Variants in RPGRIP1L observed in about 807,000 individuals in gnomAD.
The protein encoded by RPGRIP1L is protein fantom.
RPGRIP1L carries 131 observed loss-of-function variants against 160.4 expected under a neutral mutation model. That is an observed-to-expected ratio of 0.82 (90% CI 0.71 to 0.94). The LOEUF (loss-of-function observed/expected upper bound fraction) is 0.94. Among genes scored for constraint, RPGRIP1L ranks in the 40% least tolerant of loss-of-function variants. The pLI is 0.00. For synonymous variants in RPGRIP1L, 510 were observed against 515.8 expected (o/e 0.99, Z 0.15); for missense variants, 1,522 against 1,535.8 (o/e 0.99, Z 0.15).
chr16:53,695,627 A>G, intron 3 of RPGRIP1L: 1 of 580,950 alleles, frequency 1.7e-6, no homozygotes. Context: ...CACATAAATC[A>G]AAAGTGACAA....
chr16:53,674,954 G>A, intron 7 of RPGRIP1L, 63 bp downstream of exon 7: 1 of 1,117,880 alleles, frequency 8.9e-7, no homozygotes, highest in Non-Finnish European at 1.3e-6. Flanking sequence ...AAAACAACTT[G>A]AATACTACTT....
rs556918902 is a variant in RPGRIP1L, at chr16:53,675,063, C to T, written c.836G>A (p.Ser279Asn). 9 of 1,611,544 alleles carry T rather than the reference C, an allele frequency of 5.6e-6. No homozygotes were observed. Among genetic ancestry groups the T allele is most frequent in the Non-Finnish European group, 7.6e-6 (9 of 1,178,826 alleles). ...IKLHKQLVEKSNALSAMEGKF... is the reference protein window; with the variant it reads ...IKLHKQLVEKNNALSAMEGKF... Reference sequence around the variant, plus strand: ...TCCTTCCATTGCTGAAAGAGCATTGCTTTTCTCTACTAGCTGTTTATGAAG... The same window carrying T: ...TCCTTCCATTGCTGAAAGAGCATTGTTTTTCTCTACTAGCTGTTTATGAAG... The change falls in exon 7 of 27, where the codon AGC (serine) becomes AAC (asparagine). Residue 279 changes from serine (S) to asparagine (N), a missense_variant. By Grantham distance (46) the Ser-to-Asn change is conservative (BLOSUM62 1). Transcript: ENST00000647211.
chr16:53,689,516 AT>A (rs1970247980), intron 4 of RPGRIP1L, among the ~76,000 whole-genome samples: 1 of 152,132 alleles, frequency 6.6e-6, no homozygotes, highest in Non-Finnish European at 1.5e-5. Context: ...CATAATAAGT[AT>A]TGTTTCTATA....
intron 16 of RPGRIP1L, 42 bp downstream of exon 16, chr16:53,648,922 A>C: frequency 6.4e-7 from 1 of 1,562,056 alleles, no homozygotes; most frequent in Non-Finnish European, 8.8e-7. Flanking sequence ...ATATTATAAA[A>C]TTTCTATGTC....
chr16:53,656,086 T>G (rs1475808390), intron 14 of RPGRIP1L, among the ~76,000 whole-genome samples: 1 of 152,210 alleles, frequency 6.6e-6, no homozygotes, highest in Non-Finnish European at 1.5e-5. Flanking sequence ...GAGTTTGTAG[T>G]AATTTATGAA....
intron 13 of RPGRIP1L, 49 bp downstream of exon 13, chr16:53,657,404 T>C (rs544159561): frequency 7.9e-7 from 1 of 1,261,840 alleles, no homozygotes; most frequent in South Asian, 1.2e-5. Flanking sequence ...AAATAAATCA[T>C]CAGAATATTA....
At chr16:53,627,435 G>A (rs1469535859) in intron 22 of RPGRIP1L, among the ~76,000 whole-genome samples, 1 of 152,124 alleles carries the variant, frequency 6.6e-6, no homozygotes, top group Non-Finnish European at 1.5e-5. Flanking sequence ...CAACTAGTCA[G>A]CCATCTCAAA....
chr16:53,599,975 T>C lies in RPGRIP1L; in HGVS notation c.*2101A>G, dbSNP rs892356018. ...CAGAAACATGGCTGTTTCTCTCATC[T>C]TGTCTGAGATATACATTCCATACAG... On this transcript the variant is annotated 3_prime_UTR_variant, in exon 27 of 27. Coordinates refer to ENST00000647211, the MANE Select transcript of RPGRIP1L (RefSeq NM_015272.5). 1 of 152,246 alleles carries C rather than the reference T, an allele frequency of 6.6e-6. No homozygotes were observed. The highest frequency in any genetic ancestry group is 2.4e-5 in the African/African-American group (1 of 41,468). 9.4% of individuals were successfully genotyped at this position (152,246 alleles called of 1,614,324 possible).
At chr16:53,673,951 T>C (rs149313674) in intron 7 of RPGRIP1L, among the ~76,000 whole-genome samples, 280 of 152,304 alleles carry the variant, frequency 1.8e-3, no homozygotes, top group African/African-American at 6.6e-3. Context: ...GAAATCAAAA[T>C]TGTCAAAGTG....
At chr16:53,626,473 G>T (rs1198125151) in intron 22 of RPGRIP1L, among the ~76,000 whole-genome samples, 2 of 152,002 alleles carry the variant, frequency 1.3e-5, no homozygotes, top group Non-Finnish European at 2.9e-5. Context: ...TACCCTATTA[G>T]CATCCTCAGT....
Position 53,650,232 on chromosome 16 carries a change from C to G in RPGRIP1L, c.2153-1117G>C, listed in dbSNP as rs145315497. Among the ~76,000 whole-genome samples, 280 of 152,182 alleles carry G rather than the reference C, an allele frequency of 1.8e-3. 2 individuals carry two copies. Among genetic ancestry groups the G allele is most frequent in the African/African-American group, 6.5e-3 (268 of 41,518 alleles). ...TGCCATTATAACAGGCCGAGATTGACCCCTTCTTGCTCGCTCCCACCCTCT... is the reference window on the plus strand; with the variant it reads ...TGCCATTATAACAGGCCGAGATTGAGCCCTTCTTGCTCGCTCCCACCCTCT... On this transcript the variant is annotated intron_variant, in intron 15 of 26. Coordinates refer to ENST00000647211, the MANE Select transcript of RPGRIP1L (RefSeq NM_015272.5).
Position 53,656,493 on chromosome 16 carries a change from C to T in RPGRIP1L, c.1678G>A (p.Ala560Thr). 6.2e-7 allele frequency: 1 copy of T among 1,612,246 alleles called. No individual in the cohort carries two copies. The stretch of plus-strand genomic sequence containing the variant: ...GTACCTTCTAGTTTATGGATACGTG[C>T]AGCCCTGATATCAAGAAGATGAACA... Reference protein sequence around the residue: ...QYVHLLDIRAARIHKLEAQLK... With the variant: ...QYVHLLDIRATRIHKLEAQLK... The change falls in exon 14 of 27, where the codon GCA becomes ACA. Residue 560 changes from alanine to threonine, a missense_variant. By Grantham distance (58) the Ala-to-Thr change is moderately conservative (BLOSUM62 0). Transcript: ENST00000647211.
At chr16:53,619,874 CCTCAATCCTTG>C (rs1964601789) in intron 23 of RPGRIP1L, among the ~76,000 whole-genome samples, 1 of 152,010 alleles carries the variant, frequency 6.6e-6, no homozygotes, top group Non-Finnish European at 1.5e-5. Flanking sequence ...TTAATTTTCA[CCTCAATCCTTG>C]CTTAATAGAT....
chr16:53,665,846 AG>A (rs1211291462), intron 9 of RPGRIP1L, among the ~76,000 whole-genome samples: 4 of 152,188 alleles, frequency 2.6e-5, no homozygotes, highest in African/African-American at 9.7e-5. Flanking sequence ...CTGCTACGTA[AG>A]GACACTTAGG....
intron 16 of RPGRIP1L, among the ~76,000 whole-genome samples, chr16:53,648,626 G>GCGCGCGCACA (rs1555602385): frequency 1.1e-3 from 152 of 143,982 alleles, no homozygotes; most frequent in Non-Finnish European, 2.0e-3. Flanking sequence ...GCGCGCGCGC[G>GCGCGCGCACA]CACACACACA....
chr16:53,701,389 C>T (rs944235756), intron 1 of RPGRIP1L, among the ~76,000 whole-genome samples: 5 of 151,736 alleles, frequency 3.3e-5, no homozygotes, highest in African/African-American at 9.7e-5. Context: ...AGGCCTAGGT[C>T]TCACCCAGGG....
intron 10 of RPGRIP1L, chr16:53,659,708 A>T (rs1967602235): frequency 6.6e-6 from 1 of 151,836 alleles, no homozygotes; most frequent in Non-Finnish European, 1.5e-5. Context: ...ACACAGGGAG[A>T]TCTCATCTCT....
chr16:53,692,454 C>T, intron 3 of RPGRIP1L, 90 bp from the exon 4 acceptor site: 2 of 1,165,744 alleles, frequency 1.7e-6, no homozygotes, highest in South Asian at 2.5e-5. Flanking sequence ...GTGAAGACTT[C>T]AGTGCAGAAC....
At chr16:53,682,066 T>C (rs1426315628) in intron 6 of RPGRIP1L, among the ~76,000 whole-genome samples, 1 of 152,226 alleles carries the variant, frequency 6.6e-6, no homozygotes, top group Non-Finnish European at 1.5e-5. Context: ...AAGCTATGTG[T>C]AAACATTTAA....
Sources: gnomAD v4.1 joint callset for allele counts (sites outside exome capture counted in the v4.1 genomes callset) on GRCh38, gnomAD v4.1.1 for gene constraint, MANE v1.5 for transcripts, NCBI Gene and HGNC (gene_info 2026-07-23, HGNC 2026-07-21) for gene names.